The following TASP1 variants were observed in gnomAD, a reference collection of about 807,000 sequenced individuals.
TASP1 encodes taspase 1.
Under a neutral mutation model 56.6 loss-of-function variants are expected in TASP1, and 16 were observed. That is an observed-to-expected ratio of 0.28 (90% CI 0.19 to 0.43). The LOEUF is 0.43. Ranked by LOEUF, TASP1 falls within the 20% of genes least tolerant of loss-of-function variation. The pLI, the probability that TASP1 is intolerant of heterozygous loss-of-function variation, is 1.00. For missense variants in TASP1, 393 were observed against 511.6 expected (o/e 0.77, Z 2.24); for synonymous variants, 179 against 184.2 (o/e 0.97, Z 0.23).
chr20:13,630,593 G>A (rs1376652687), intron 1 of TASP1, among the ~76,000 whole-genome samples: 2 of 151,014 alleles, frequency 1.3e-5, no homozygotes, highest in Admixed American at 1.3e-4. Context: ...AGGAGGCTGA[G>A]GCAGAAGAAT....
rs143543192 is a variant in TASP1, at chr20:13,516,888, T to C, written c.874+11545A>G. Among the ~76,000 whole-genome samples the C allele has an allele frequency of 6.0e-3, 920 of 152,196 alleles. 8 individuals carry two copies. The highest frequency in any genetic ancestry group is 0.01 in the Non-Finnish European group (681 of 67,996). On this transcript the variant is annotated intron_variant, in intron 10 of 13. Coordinates refer to ENST00000337743, the MANE Select transcript of TASP1 (RefSeq NM_017714.3). ...TTCCTTCCATGATGTCCTCAGCTCT[T>C]CTAGAGGTTAGGGGCTGAAGACATT...
intron 11 of TASP1, among the ~76,000 whole-genome samples, chr20:13,452,806 G>A (rs2146301280): frequency 6.6e-6 from 1 of 152,220 alleles, no homozygotes; most frequent in East Asian, 1.9e-4. Flanking sequence ...TCATGGTGCT[G>A]AGCAAACACT....
chr20:13,597,530 C>T (rs12606837), intron 4 of TASP1, among the ~76,000 whole-genome samples: 144 of 152,272 alleles, frequency 9.5e-4, no homozygotes, highest in Admixed American at 2.0e-3. Context: ...TGGAATGTAT[C>T]TCAAAATAAT....
chr20:13,258,208 C>T, the TASP1 span, among the ~76,000 whole-genome samples: 1 of 152,162 alleles, frequency 6.6e-6, no homozygotes, highest in African/African-American at 2.4e-5. Context: ...GCATGTATTA[C>T]ATCAACAGGC....
intron 6 of TASP1, 38 bp downstream of exon 6, chr20:13,580,859 C>CTA (rs757190546): frequency 6.2e-7 from 1 of 1,606,506 alleles, no homozygotes; most frequent in East Asian, 2.2e-5. Flanking sequence ...TAAAAATGCA[C>CTA]TAAAGACAGG....
intron 2 of TASP1, among the ~76,000 whole-genome samples, chr20:13,626,600 G>T (rs1366669265): frequency 6.6e-6 from 1 of 152,176 alleles, no homozygotes; most frequent in Admixed American, 6.5e-5. Context: ...CAAGGAGCCA[G>T]GAAAGCAGAG....
intron 11 of TASP1, among the ~76,000 whole-genome samples, chr20:13,482,697 T>G (rs182640968): frequency 3.0e-4 from 46 of 152,320 alleles, no homozygotes; most frequent in Admixed American, 1.3e-3. Context: ...AGAATGCATC[T>G]AATAACTCAT....
At chr20:13,119,363 G>A in the TASP1 span, among the ~76,000 whole-genome samples, 4 of 152,188 alleles carry the variant, frequency 2.6e-5, no homozygotes. Context: ...GCGACTAGCA[G>A]AAGTAAACAC....
At chr20:13,249,386 C>T in the TASP1 span, among the ~76,000 whole-genome samples, 6 of 152,192 alleles carry the variant, frequency 3.9e-5, no homozygotes, top group Non-Finnish European at 8.8e-5. Flanking sequence ...ACATGAAACA[C>T]GGGCAGGCCA....
chr20:13,205,729 A>G, the TASP1 span, among the ~76,000 whole-genome samples: 756 of 152,232 alleles, frequency 5.0e-3, 2 homozygotes, highest in Middle Eastern at 0.014. Flanking sequence ...TAGGGCTTCA[A>G]TGCATGAATT....
At chr20:13,186,784 A>C in the TASP1 span, among the ~76,000 whole-genome samples, 1 of 152,184 alleles carries the variant, frequency 6.6e-6, no homozygotes, top group African/African-American at 2.4e-5. Context: ...ACTAATAAAA[A>C]TCCTCACACT....
At chr20:13,487,840 T>C (rs2043382943) in intron 10 of TASP1, among the ~76,000 whole-genome samples, 1 of 152,208 alleles carries the variant, frequency 6.6e-6, no homozygotes, top group African/African-American at 2.4e-5. Flanking sequence ...AGGCTTTGAA[T>C]GCTACATGTA....
At chr20:13,204,502 T>C in the TASP1 span, among the ~76,000 whole-genome samples, 1 of 151,330 alleles carries the variant, frequency 6.6e-6, no homozygotes. Context: ...GGGAAAAATA[T>C]CTTTTTAATC....
the TASP1 span, among the ~76,000 whole-genome samples, chr20:13,150,975 A>G: frequency 6.6e-6 from 1 of 152,110 alleles, no homozygotes; most frequent in Non-Finnish European, 1.5e-5. Context: ...ACATTTCTCT[A>G]CACTGTGCAT....
chr20:13,614,885 A>C (rs765263490), intron 4 of TASP1: 17 of 459,870 alleles, frequency 3.7e-5, no homozygotes, highest in Non-Finnish European at 7.6e-5. Flanking sequence ...GAGCTAAAAC[A>C]GAAAAGACAA....
At chr20:13,117,474 G>T in the TASP1 span, 52 of 1,536,066 alleles carry the variant, frequency 3.4e-5, no homozygotes, top group African/African-American at 6.9e-4. Flanking sequence ...GAGGGTATTT[G>T]TTAGTTATGA....
the TASP1 span, among the ~76,000 whole-genome samples, chr20:13,113,467 A>G: frequency 6.6e-6 from 1 of 152,286 alleles, no homozygotes; most frequent in Admixed American, 6.5e-5. Context: ...CAAATCAGAA[A>G]GTTTCAGGGA....
At chr20:13,574,107 G>A (rs1386501597) in intron 6 of TASP1, among the ~76,000 whole-genome samples, 1 of 151,034 alleles carries the variant, frequency 6.6e-6, no homozygotes, top group East Asian at 1.9e-4. Flanking sequence ...TGGAACAAAT[G>A]AAATGAAAGT....
chr20:13,162,874 A>G, the TASP1 span, among the ~76,000 whole-genome samples: 1 of 152,068 alleles, frequency 6.6e-6, no homozygotes, highest in Non-Finnish European at 1.5e-5. Flanking sequence ...TGTCACTAAG[A>G]TGCCCACGGT....
Sources: gnomAD v4.1 joint callset for allele counts (sites outside exome capture counted in the v4.1 genomes callset) on GRCh38, gnomAD v4.1.1 for gene constraint, MANE v1.5 for transcripts, NCBI Gene and HGNC (gene_info 2026-07-23, HGNC 2026-07-21) for gene names.